SAMD5: variants seen among roughly 807,000 people sequenced by gnomAD.
SAMD5 encodes the protein sterile alpha motif domain containing 5.
SAMD5 carries 13 observed loss-of-function variants against 11.3 expected under a neutral mutation model. That is an observed-to-expected ratio of 1.15 (90% CI 0.75 to 1.83). The LOEUF (loss-of-function observed/expected upper bound fraction) is 1.83. SAMD5 is among the 40% of genes most tolerant of loss of function. The pLI, the probability that SAMD5 is intolerant of heterozygous loss-of-function variation, is 0.00. For synonymous variants in SAMD5, 129 were observed against 111.3 expected, an observed-to-expected ratio of 1.16 and a Z score of -1.00; for missense variants, 255 against 239.1, an observed-to-expected ratio of 1.07 and a Z score of -0.44.
chr6:147,796,150 G>C, the SAMD5 span, among the ~76,000 whole-genome samples: 2 of 150,326 alleles, frequency 1.3e-5, no homozygotes, highest in Admixed American at 6.6e-5. Flanking sequence ...CCGTGCCTAT[G>C]TCCTGAATGG....
At chr6:147,583,201 G>A (rs1256929827) in intron 1 of SAMD5, among the ~76,000 whole-genome samples, 1 of 152,048 alleles carries the variant, frequency 6.6e-6, no homozygotes, top group African/African-American at 2.4e-5. Context: ...GCCACATCAG[G>A]GCTCTGAAGG....
chr6:147,777,545 C>T, the SAMD5 span, among the ~76,000 whole-genome samples: 3 of 152,250 alleles, frequency 2.0e-5, no homozygotes, highest in African/African-American at 7.2e-5. Context: ...CGAAGTTTAC[C>T]ATTTTAACCT....
Position 147,567,765 on chromosome 6 carries a change from C to T in SAMD5, c.*3309C>T, listed in dbSNP as rs1481386292. The T allele has an allele frequency of 1.0e-6, 1 of 985,274 alleles. No individual in the cohort carries two copies. Among genetic ancestry groups the T allele is most frequent in the Non-Finnish European group, 1.2e-6 (1 of 829,930 alleles). 61.0% of individuals were successfully genotyped at this position (985,274 alleles called of 1,614,324 possible). On this transcript the variant is annotated 3_prime_UTR_variant, in exon 2 of 2. Transcript: ENST00000367474. ...TTTCCTTATCATTGCCTGAAACCCA[C>T]TGAATAAGTCCCCTTTGATTTCTCT... is the stretch of plus-strand genomic sequence containing the variant.
chr6:147,862,859 AG>A, the SAMD5 span, among the ~76,000 whole-genome samples: 1 of 152,060 alleles, frequency 6.6e-6, no homozygotes, highest in African/African-American at 2.4e-5. Context: ...TCTAGAAAGG[AG>A]GTTTTTTTTT....
chr6:147,602,472 G>A (rs575558269), intron 1 of SAMD5, among the ~76,000 whole-genome samples: 1 of 152,306 alleles, frequency 6.6e-6, no homozygotes, highest in African/African-American at 2.4e-5. Context: ...GGCCAGGCGT[G>A]GTGGCTCAGG....
chr6:147,935,282 C>G, the SAMD5 span, among the ~76,000 whole-genome samples: 5 of 152,100 alleles, frequency 3.3e-5, no homozygotes, highest in Non-Finnish European at 5.9e-5. Flanking sequence ...GTGGGCACAT[C>G]TTCATAGTGA....
intron 1 of SAMD5, among the ~76,000 whole-genome samples, chr6:147,620,632 C>T (rs59226861): frequency 0.3 from 45,451 of 152,068 alleles, 8,337 homozygotes; most frequent in Non-Finnish European, 0.4. Flanking sequence ...GGAGTGATTT[C>T]GTGAAGGATA....
chr6:147,669,584 C>T (rs1193793532), intron 1 of SAMD5, among the ~76,000 whole-genome samples: 1 of 151,936 alleles, frequency 6.6e-6, no homozygotes, highest in Non-Finnish European at 1.5e-5. Flanking sequence ...TGCACCACCA[C>T]ACCCAGCAGC....
chr6:147,930,035 A>G, the SAMD5 span, among the ~76,000 whole-genome samples: 401 of 152,258 alleles, frequency 2.6e-3, no homozygotes, highest in African/African-American at 9.1e-3. Context: ...ACTAAATGTC[A>G]TAGACCTTTT....
At chr6:147,509,467 A>G in intron 1 of SAMD5, 80 bp downstream of exon 1, 2 of 1,324,718 alleles carry the variant, frequency 1.5e-6, no homozygotes, top group Non-Finnish European at 2.0e-6. Context: ...AGGCTTTGCA[A>G]CCCATTCCAG....
chr6:147,849,206 G>A, the SAMD5 span, among the ~76,000 whole-genome samples: 1 of 142,904 alleles, frequency 7.0e-6, no homozygotes, highest in Non-Finnish European at 1.5e-5. Context: ...CCTACCCTAA[G>A]CATATGATCC....
At chr6:147,891,540 A>C in the SAMD5 span, among the ~76,000 whole-genome samples, 1 of 152,168 alleles carries the variant, frequency 6.6e-6, no homozygotes, top group African/African-American at 2.4e-5. Context: ...TTGGGGCCCT[A>C]TGATGAGATT....
chr6:147,742,374 C>T (rs1309262718), downstream of SAMD5, among the ~76,000 whole-genome samples: 1 of 152,030 alleles, frequency 6.6e-6, no homozygotes, highest in Admixed American at 6.6e-5. Context: ...TGATTCTTTC[C>T]CTTGTACTGC....
the SAMD5 span, among the ~76,000 whole-genome samples, chr6:147,915,916 A>C: frequency 2.2e-5 from 2 of 91,766 alleles, no homozygotes; most frequent in African/African-American, 4.4e-5. Context: ...CCCACCCCAC[A>C]ACAGGCCCCG....
chr6:147,632,423 G>A lies in SAMD5; in HGVS notation c.163-104894G>A, dbSNP rs143291665. On this transcript the variant is annotated intron_variant, in intron 1 of 1. Transcript: ENST00000566741. ...GGGCTCGAGTTAAGGCAATGAGTTC[G>A]GCTTGCTGAGAGGTAGTGGAGAGGG... 6.8e-4 allele frequency among the ~76,000 whole-genome samples: 104 copies of A among 152,230 alleles called. 1 individual carries two copies. Among genetic ancestry groups the A allele is most frequent in the African/African-American group, 2.2e-3 (93 of 41,542 alleles).
chr6:147,761,391 G>A, the SAMD5 span, among the ~76,000 whole-genome samples: 2 of 151,928 alleles, frequency 1.3e-5, no homozygotes, highest in African/African-American at 4.8e-5. Flanking sequence ...CCCAAATATG[G>A]CATTACTAGA....
intron 1 of SAMD5, among the ~76,000 whole-genome samples, chr6:147,518,393 G>GACA: frequency 6.6e-6 from 1 of 152,306 alleles, no homozygotes; most frequent in Admixed American, 6.5e-5. Context: ...CTGTTCTTCA[G>GACA]TAGTTATCTT....
In SAMD5 at chr6:147,566,365, G is replaced by C; in HGVS notation, c.*1909G>C. 1 of 981,552 alleles carries C rather than the reference G, an allele frequency of 1.0e-6. No individual in the cohort carries two copies. The allele number at this position is 981,552 out of a possible 1,614,324, so 60.8% of individuals were successfully genotyped here. A position where few individuals can be genotyped will look rare whatever the true frequency, so the allele number is the denominator to read the frequency against. On this transcript the variant is annotated 3_prime_UTR_variant, in exon 2 of 2. Transcript: ENST00000367474. ...TTTGAGTGGTAGGGGAGTCTGTATA[G>C]ATTACAGATATAATTTATTGTGATA...
At chr6:147,695,963 C>A (rs888724683) in intron 1 of SAMD5, among the ~76,000 whole-genome samples, 6 of 152,130 alleles carry the variant, frequency 3.9e-5, no homozygotes, top group Non-Finnish European at 8.8e-5. Context: ...AAATTAACAC[C>A]CTCTAGTTAA....
Sources: allele counts gnomAD v4.1 joint callset (sites outside exome capture counted in the v4.1 genomes callset), GRCh38; gene constraint gnomAD v4.1.1; transcripts MANE v1.5; gene names NCBI Gene and HGNC (gene_info 2026-07-23, HGNC 2026-07-21).